Variants in TAOK3 observed in about 807,000 individuals in gnomAD.
TAOK3 encodes the protein serine/threonine-protein kinase TAO3.
In TAOK3, 40 loss-of-function variants were observed where a neutral mutation model predicts 120.4. That is an observed-to-expected ratio of 0.33 (90% CI 0.26 to 0.43). The LOEUF (loss-of-function observed/expected upper bound fraction) is 0.43, where lower values mean the gene tolerates loss of function less well. Among genes scored for constraint, TAOK3 ranks in the 20% least tolerant of loss-of-function variants. The pLI is 1.00. For synonymous variants in TAOK3, 355 were observed against 387.5 expected (o/e 0.92, Z 0.99); for missense variants, 821 against 1,112.1 (o/e 0.74, Z 3.72).
At chr12:118,292,888 G>A (rs2042537071) in intron 1 of TAOK3, among the ~76,000 whole-genome samples, 1 of 152,220 alleles carries the variant, frequency 6.6e-6, no homozygotes, top group South Asian at 2.1e-4. Context: ...ATCTTTTCAA[G>A]TAATCCTGTA....
At chr12:118,153,114 T>G (rs1566218856) in intron 19 of TAOK3, among the ~76,000 whole-genome samples, 1 of 152,216 alleles carries the variant, frequency 6.6e-6, no homozygotes, top group Non-Finnish European at 1.5e-5. Context: ...CTCCAAATGG[T>G]TCAAAATCTC....
At chr12:118,211,548 T>C (rs893465749) in intron 11 of TAOK3, among the ~76,000 whole-genome samples, 10 of 152,108 alleles carry the variant, frequency 6.6e-5, no homozygotes, top group African/African-American at 2.2e-4. Flanking sequence ...CCCATTTGCT[T>C]TTTATATCCT....
At chr12:118,343,741 G>A (rs1054061799) in intron 1 of TAOK3, among the ~76,000 whole-genome samples, 14 of 151,932 alleles carry the variant, frequency 9.2e-5, no homozygotes, top group African/African-American at 1.9e-4. Flanking sequence ...GGCTGGGCGC[G>A]GTGGCTCACA....
At chr12:118,260,385 GA>G (rs1277854838) in intron 2 of TAOK3, among the ~76,000 whole-genome samples, 1 of 152,070 alleles carries the variant, frequency 6.6e-6, no homozygotes, top group Non-Finnish European at 1.5e-5. Flanking sequence ...ATACTTGAAG[GA>G]ATATAAAAAT....
At chr12:118,318,348 G>A (rs1447878254) in intron 1 of TAOK3, among the ~76,000 whole-genome samples, 1 of 151,948 alleles carries the variant, frequency 6.6e-6, no homozygotes, top group African/African-American at 2.4e-5. Flanking sequence ...AGTAAAGACA[G>A]GGTTTCACCA....
At chr12:118,331,271 T>C (rs1035361178) in intron 1 of TAOK3, among the ~76,000 whole-genome samples, 1 of 152,100 alleles carries the variant, frequency 6.6e-6, no homozygotes, top group Non-Finnish European at 1.5e-5. Context: ...CCAGGCTGAA[T>C]TAAGAAGTAA....
chr12:118,309,284 G>C (rs1442612332), intron 1 of TAOK3, among the ~76,000 whole-genome samples: 5 of 149,678 alleles, frequency 3.3e-5, no homozygotes, highest in Admixed American at 2.7e-4. Context: ...AGCCGAGCTC[G>C]GGCCACTGCA....
chr12:118,253,100 G>A (rs1057256490), intron 3 of TAOK3, among the ~76,000 whole-genome samples: 1 of 152,202 alleles, frequency 6.6e-6, no homozygotes, highest in African/African-American at 2.4e-5. Flanking sequence ...TGGGAGCCAA[G>A]TTATTGATGG....
intron 5 of TAOK3, among the ~76,000 whole-genome samples, chr12:118,239,958 G>A (rs2040175621): frequency 1.3e-5 from 2 of 152,196 alleles, no homozygotes; most frequent in South Asian, 4.1e-4. Context: ...CCTGAGGCCA[G>A]GAGTTCAAGA....
chr12:118,212,996 CTG>C lies in TAOK3; in HGVS notation c.738-3_738-2del. On this transcript the variant is annotated splice_acceptor_variant and splice_polypyrimidine_tract_variant and intron_variant, in intron 10 of 20. Transcript: ENST00000392533. LOFTEE classifies it high-confidence loss of function. ...AACAAATCTCCTAAAGGAGTCTGTC[CTG>C]TGTGTGCAAATACACAAAAGAAAAT... 1 of 1,597,838 alleles carries C rather than the reference CTG, an allele frequency of 6.3e-7. No homozygotes were observed. The highest frequency in any genetic ancestry group is 1.1e-5 in the South Asian group (1 of 88,216).
At chr12:118,227,949 A>C (rs932234850) in intron 9 of TAOK3, among the ~76,000 whole-genome samples, 1 of 152,190 alleles carries the variant, frequency 6.6e-6, no homozygotes, top group African/African-American at 2.4e-5. Context: ...TCAATATTTA[A>C]AATGTGTAAA....
At chr12:118,223,328 G>A (rs1476744617) in intron 9 of TAOK3, among the ~76,000 whole-genome samples, 1 of 149,906 alleles carries the variant, frequency 6.7e-6, no homozygotes, top group East Asian at 2.0e-4. Context: ...CAAAGTGCTG[G>A]GATTACAAGC....
chr12:118,360,893 TC>T (rs2045576164), intron 1 of TAOK3, among the ~76,000 whole-genome samples: 1 of 152,214 alleles, frequency 6.6e-6, no homozygotes, highest in Admixed American at 6.5e-5. Flanking sequence ...AAAGTAGTGT[TC>T]TTTATGTTTT....
intron 1 of TAOK3, among the ~76,000 whole-genome samples, chr12:118,314,613 A>G (rs937024973): frequency 3.3e-5 from 5 of 152,242 alleles, no homozygotes; most frequent in East Asian, 3.8e-4. Context: ...AGAACATCCA[A>G]GGTTGGAAAA....
intron 1 of TAOK3, among the ~76,000 whole-genome samples, chr12:118,293,954 G>A (rs1265006528): frequency 6.6e-6 from 1 of 152,072 alleles, no homozygotes; most frequent in Admixed American, 6.6e-5. Flanking sequence ...GGCAGAGGTT[G>A]CGGTGAGCCG....
intron 9 of TAOK3, among the ~76,000 whole-genome samples, chr12:118,219,286 T>C (rs1179078433): frequency 2.6e-5 from 4 of 152,066 alleles, no homozygotes; most frequent in Non-Finnish European, 4.4e-5. Flanking sequence ...GGGGTCTTGC[T>C]CTGTTGCCCA....
intron 9 of TAOK3, among the ~76,000 whole-genome samples, 166 bp downstream of exon 9, chr12:118,233,508 A>C (rs1342845824): frequency 1.3e-5 from 2 of 152,142 alleles, no homozygotes; most frequent in Non-Finnish European, 2.9e-5. Flanking sequence ...TGAGTATAAA[A>C]AAATCTAATA....
At chr12:118,300,681 A>G (rs1203781588) in intron 1 of TAOK3, among the ~76,000 whole-genome samples, 1 of 151,920 alleles carries the variant, frequency 6.6e-6, no homozygotes, top group Non-Finnish European at 1.5e-5. Context: ...CTGTTCCTCA[A>G]CAGTTGTATG....
At chr12:118,262,307 C>A (rs930543471) in intron 2 of TAOK3, among the ~76,000 whole-genome samples, 2 of 151,864 alleles carry the variant, frequency 1.3e-5, no homozygotes, top group South Asian at 4.1e-4. Context: ...GATGATGAAA[C>A]CCCATCTCTA....
Sources: gnomAD v4.1 joint callset for allele counts (sites outside exome capture counted in the v4.1 genomes callset) on GRCh38, gnomAD v4.1.1 for gene constraint, MANE v1.5 for transcripts, NCBI Gene and HGNC (gene_info 2026-07-23, HGNC 2026-07-21) for gene names.